The following OXR1 variants were observed in gnomAD, a reference collection of about 807,000 sequenced individuals.
OXR1 encodes oxidation resistance protein 1.
In OXR1, 41 loss-of-function variants were observed where a neutral mutation model predicts 104.6. The observed-to-expected ratio is 0.39, with a 90% CI of 0.31 to 0.51. OXR1 has a LOEUF of 0.51. Among genes scored for constraint, OXR1 ranks in the 20% least tolerant of loss-of-function variants. OXR1 has a pLI of 0.77. For synonymous variants in OXR1, 348 were observed against 348.4 expected (o/e 1.00, Z 0.01); for missense variants, 955 against 1,031.9 (o/e 0.93, Z 1.02).
intron 16 of OXR1, among the ~76,000 whole-genome samples, chr8:106,750,341 TTG>T (rs1835785563): frequency 6.7e-6 from 1 of 149,186 alleles, no homozygotes. Context: ...TTTTTTTTTT[TTG>T]AGACAGAGTT....
intron 2 of OXR1, among the ~76,000 whole-genome samples, chr8:106,468,928 G>A (rs1330724726): frequency 6.6e-6 from 1 of 151,544 alleles, no homozygotes; most frequent in African/African-American, 2.4e-5. Flanking sequence ...GTAGTCAGTC[G>A]CCATAAGAAA....
chr8:106,654,581 A>ATTAGATCAAAGTCCTATG (rs1161737590), intron 3 of OXR1, among the ~76,000 whole-genome samples: 1 of 152,174 alleles, frequency 6.6e-6, no homozygotes, highest in Non-Finnish European at 1.5e-5. Context: ...TTAGACCTAT[A>ATTAGATCAAAGTCCTATG]TTAGATCAAA....
chr8:106,387,770 G>A (rs1817436303), intron 2 of OXR1, among the ~76,000 whole-genome samples: 1 of 152,106 alleles, frequency 6.6e-6, no homozygotes, highest in African/African-American at 2.4e-5. Flanking sequence ...CGATTTTCCA[G>A]GTAATAAAAG....
intron 2 of OXR1, among the ~76,000 whole-genome samples, chr8:106,376,791 CA>C (rs1259177517): frequency 1.3e-5 from 2 of 152,178 alleles, no homozygotes; most frequent in Admixed American, 6.5e-5. Flanking sequence ...GCTAATTACT[CA>C]AACCATGTAT....
chr8:106,692,578 T>C, intron 6 of OXR1, 150 bp from the exon 7 acceptor site: 1 of 461,844 alleles, frequency 2.2e-6, no homozygotes, highest in Non-Finnish European at 3.8e-6. Context: ...CTATAATTTG[T>C]ACGTAAAAAT....
At chr8:106,634,564 T>A (rs1563657777) in intron 3 of OXR1, among the ~76,000 whole-genome samples, 1 of 152,166 alleles carries the variant, frequency 6.6e-6, no homozygotes. Context: ...AATATGACTG[T>A]AGAGCCCTCT....
At chr8:106,479,475 T>C (rs1303001932) in intron 2 of OXR1, among the ~76,000 whole-genome samples, 1 of 152,026 alleles carries the variant, frequency 6.6e-6, no homozygotes, top group Non-Finnish European at 1.5e-5. Context: ...TTACTTCCAC[T>C]AAATTCACTT....
chr8:106,697,750 TTGAAGGCCATGG>T, intron 7 of OXR1: 1 of 1,613,812 alleles, frequency 6.2e-7, no homozygotes, highest in South Asian at 1.1e-5. Flanking sequence ...CTCCATCTGC[TTGAAGGCCATGG>T]TGGAGGCCTG....
chr8:106,610,845 G>C (rs1399073570), intron 3 of OXR1, among the ~76,000 whole-genome samples: 2 of 152,204 alleles, frequency 1.3e-5, no homozygotes, highest in Non-Finnish European at 2.9e-5. Context: ...GATTCTGCCT[G>C]TTTTTAAACT....
intron 5 of OXR1, among the ~76,000 whole-genome samples, chr8:106,684,009 C>T (rs2131242505): frequency 6.6e-6 from 1 of 152,170 alleles, no homozygotes; most frequent in African/African-American, 2.4e-5. Flanking sequence ...GGAGTGACAC[C>T]TCTATAGTGT....
chr8:106,379,326 G>A lies in OXR1; in HGVS notation c.23+19690G>A, dbSNP rs1817036481. On this transcript the variant is annotated intron_variant, in intron 2 of 16. Transcript: ENST00000517566. ...AAAAATAATGGCTTTAGGCATAATT[G>A]ATATGTAGATCTTTCTGATAATATT... 2.6e-5 allele frequency among the ~76,000 whole-genome samples: 4 copies of A among 152,122 alleles called. No homozygotes were observed. In the South Asian group the frequency reaches 8.3e-4, roughly 32 times the overall value.
chr8:106,617,293 T>A (rs1821320979), intron 3 of OXR1, among the ~76,000 whole-genome samples: 1 of 152,084 alleles, frequency 6.6e-6, no homozygotes, highest in Non-Finnish European at 1.5e-5. Flanking sequence ...CATGATGGCG[T>A]GTGCCTGTAG....
At chr8:106,331,733 A>G (rs1444615080) in intron 1 of OXR1, among the ~76,000 whole-genome samples, 1 of 152,058 alleles carries the variant, frequency 6.6e-6, no homozygotes, top group Non-Finnish European at 1.5e-5. Flanking sequence ...TCAGGCCAGG[A>G]GTTCTGTACC....
intron 3 of OXR1, among the ~76,000 whole-genome samples, chr8:106,596,387 A>G (rs1006229540): frequency 1.3e-5 from 2 of 152,100 alleles, no homozygotes; most frequent in African/African-American, 2.4e-5. Flanking sequence ...CATAGTTTGC[A>G]GTGAGTTGAG....
intron 1 of OXR1, among the ~76,000 whole-genome samples, chr8:106,305,689 A>G (rs1232422453): frequency 1.3e-5 from 2 of 152,072 alleles, no homozygotes; most frequent in African/African-American, 4.8e-5. Context: ...TTTATCTGCC[A>G]CTGTTCCCTT....
intron 2 of OXR1, among the ~76,000 whole-genome samples, chr8:106,494,354 T>C (rs1314644467): frequency 6.6e-6 from 1 of 152,186 alleles, no homozygotes; most frequent in South Asian, 2.1e-4. Context: ...TTGTGTGTGG[T>C]CTCACTAAAA....
At chr8:106,509,745 T>A (rs373741293) in intron 2 of OXR1, among the ~76,000 whole-genome samples, 1 of 152,308 alleles carries the variant, frequency 6.6e-6, no homozygotes, top group East Asian at 1.9e-4. Flanking sequence ...GAGAAGAAAC[T>A]GTTTCTTTTA....
rs756741127 is a variant in OXR1 at position 106,339,519 on chromosome 8, AATATAT to A, written c.-138-19925_-138-19920del. Among the ~76,000 whole-genome samples the A allele has an allele frequency of 9.9e-3, 330 of 33,318 alleles. 25 individuals are homozygous for A. The highest frequency in any genetic ancestry group is 0.016 in the South Asian group (8 of 486). 21.9% of individuals were successfully genotyped at this position (33,318 alleles called of 152,430 possible). On this transcript the variant is annotated intron_variant, in intron 1 of 16. Transcript: ENST00000517566. ...AAAAAAAAAAAAAAAAAAAAAAAAA[AATATAT>A]ATATATATATATATATATATATATA...
chr8:106,367,964 C>T (rs547444035), intron 2 of OXR1, among the ~76,000 whole-genome samples: 4 of 151,908 alleles, frequency 2.6e-5, no homozygotes, highest in East Asian at 3.9e-4. Context: ...GGGGAGAGTC[C>T]CAGGAACTGA....
Sources: allele counts gnomAD v4.1 joint callset (sites outside exome capture counted in the v4.1 genomes callset), GRCh38; gene constraint gnomAD v4.1.1; transcripts MANE v1.5; gene names NCBI Gene and HGNC (gene_info 2026-07-23, HGNC 2026-07-21).